The following SHROOM3 variants were observed in gnomAD, a reference collection of about 807,000 sequenced individuals.
SHROOM3 encodes protein Shroom3.
In SHROOM3, 47 loss-of-function variants were observed where a neutral mutation model predicts 138.6. The observed-to-expected ratio is 0.34, with a 90% CI of 0.27 to 0.43. The LOEUF (loss-of-function observed/expected upper bound fraction) is 0.43. Ranked by LOEUF, SHROOM3 falls within the 20% of genes least tolerant of loss-of-function variation. The pLI is 1.00. For missense variants in SHROOM3, 2,491 were observed against 2,596.5 expected (o/e 0.96, Z 0.88); for synonymous variants, 1,062 against 1,063.3 (o/e 1.00, Z 0.02).
intron 2 of SHROOM3, among the ~76,000 whole-genome samples, chr4:76,677,917 G>T (rs1038299997): frequency 5.3e-5 from 8 of 152,122 alleles, no homozygotes; most frequent in African/African-American, 1.9e-4. Flanking sequence ...TTCCTCTTGC[G>T]TGAATCTGCT....
At chr4:76,752,662 C>T (rs1009371242) in intron 6 of SHROOM3, among the ~76,000 whole-genome samples, 1 of 151,978 alleles carries the variant, frequency 6.6e-6, no homozygotes, top group Non-Finnish European at 1.5e-5. Flanking sequence ...AAAATAATCA[C>T]CACGGAGAAG....
chr4:76,778,670 G>C, intron 10 of SHROOM3, 139 bp from the exon 11 acceptor site: 1 of 1,121,508 alleles, frequency 8.9e-7, no homozygotes, highest in East Asian at 2.5e-5. Context: ...TTTTCAAAAA[G>C]TTAGCCTCCT....
At chr4:76,690,776 A>G (rs1480462043) in intron 2 of SHROOM3, among the ~76,000 whole-genome samples, 2 of 152,184 alleles carry the variant, frequency 1.3e-5, no homozygotes, top group Non-Finnish European at 2.9e-5. Flanking sequence ...CTCTTATAAC[A>G]ACATCTATGT....
intron 1 of SHROOM3, among the ~76,000 whole-genome samples, chr4:76,526,773 T>C (rs761219946): frequency 6.6e-6 from 1 of 152,068 alleles, no homozygotes; most frequent in Non-Finnish European, 1.5e-5. Flanking sequence ...CTAGGAGTGG[T>C]ATGCAAGAGA....
In SHROOM3 at chr4:76,739,321, C is replaced by A. The variant is rs745964950; in HGVS notation, c.1148C>A (p.Pro383His). ...AACCTTCCTCCTAAGGTGGGTGCAC[C>A]CCTGCCTCCAGCTCGGAGTGACAGT... ...TDNLPPKVGA[P>H]LPPARSDSYA... The change falls in exon 5 of 11, where the codon CCC becomes CAC. Residue 383 changes from proline (P) to histidine (H), a missense_variant. By Grantham distance (77) the Pro-to-His change is moderately conservative. Coordinates refer to ENST00000296043, the MANE Select transcript of SHROOM3 (RefSeq NM_020859.4). 3 of 1,613,900 alleles carry A rather than the reference C, an allele frequency of 1.9e-6. No individual in the cohort carries two copies. The South Asian group carries it at 3.3e-5, about 18-fold the overall frequency.
chr4:76,466,315 A>C (rs190109385), intron 1 of SHROOM3, among the ~76,000 whole-genome samples: 5 of 152,336 alleles, frequency 3.3e-5, no homozygotes, highest in Admixed American at 2.0e-4. Context: ...AGATAAACTG[A>C]AAGCAAAATT....
chr4:76,625,624 A>G (rs1277651494), intron 2 of SHROOM3, among the ~76,000 whole-genome samples: 1 of 152,148 alleles, frequency 6.6e-6, no homozygotes, highest in Non-Finnish European at 1.5e-5. Context: ...ACCTGACCAC[A>G]GCATCCTTCC....
intron 1 of SHROOM3, among the ~76,000 whole-genome samples, chr4:76,536,124 C>T (rs1732949351): frequency 6.6e-6 from 1 of 152,202 alleles, no homozygotes; most frequent in Non-Finnish European, 1.5e-5. Flanking sequence ...GCAAATGGCA[C>T]TATTGAATAA....
chr4:76,615,405 G>A (rs1365862008), intron 2 of SHROOM3, among the ~76,000 whole-genome samples: 2 of 152,198 alleles, frequency 1.3e-5, no homozygotes, highest in Non-Finnish European at 2.9e-5. Flanking sequence ...TGAAATGAAT[G>A]ATTTAAGCCA....
chr4:76,654,379 G>A (rs952911263), intron 2 of SHROOM3, among the ~76,000 whole-genome samples: 8 of 152,108 alleles, frequency 5.3e-5, no homozygotes, highest in African/African-American at 1.7e-4. Context: ...GAAGTGACAT[G>A]TTTTTGTTTA....
intron 2 of SHROOM3, among the ~76,000 whole-genome samples, chr4:76,615,071 G>A (rs1043752200): frequency 1.3e-5 from 2 of 152,236 alleles, no homozygotes; most frequent in African/African-American, 4.8e-5. Flanking sequence ...AGCTAGCTGA[G>A]AATGGGAGTG....
At chr4:76,535,680 C>T (rs1324859882) in intron 1 of SHROOM3, among the ~76,000 whole-genome samples, 2 of 152,114 alleles carry the variant, frequency 1.3e-5, no homozygotes, top group Non-Finnish European at 2.9e-5. Context: ...AGAAATCAGC[C>T]CCTCACTTAT....
chr4:76,724,518 T>C (rs1434262227), intron 3 of SHROOM3, among the ~76,000 whole-genome samples: 1 of 152,160 alleles, frequency 6.6e-6, no homozygotes, highest in East Asian at 1.9e-4. Context: ...TGCTTTTCAA[T>C]AGGTAATACA....
intron 2 of SHROOM3, among the ~76,000 whole-genome samples, chr4:76,681,221 A>G (rs1485307052): frequency 6.6e-6 from 1 of 152,154 alleles, no homozygotes; most frequent in Non-Finnish European, 1.5e-5. Context: ...CCTCTTAGTT[A>G]GCAAGTTCAT....
At chr4:76,704,350 A>G (rs1416827555) in intron 2 of SHROOM3, among the ~76,000 whole-genome samples, 4 of 152,252 alleles carry the variant, frequency 2.6e-5, no homozygotes, top group Non-Finnish European at 5.9e-5. Context: ...ATGTCTTAAC[A>G]ACGAAGCAGA....
chr4:76,622,822 A>G (rs988559009), intron 2 of SHROOM3, among the ~76,000 whole-genome samples: 7 of 152,030 alleles, frequency 4.6e-5, no homozygotes, highest in Non-Finnish European at 8.8e-5. Context: ...TTTTCTTCTC[A>G]GGTTTATAGC....
chr4:76,536,351 G>A (rs1732953315), intron 1 of SHROOM3, among the ~76,000 whole-genome samples: 1 of 152,114 alleles, frequency 6.6e-6, no homozygotes, highest in Non-Finnish European at 1.5e-5. Flanking sequence ...GCATATAGAG[G>A]TTTCATTTTA....
At chr4:76,660,096 C>T (rs980057775) in intron 2 of SHROOM3, among the ~76,000 whole-genome samples, 3 of 152,132 alleles carry the variant, frequency 2.0e-5, no homozygotes, top group South Asian at 2.1e-4. Context: ...CTCTCACCCA[C>T]GTCAGGGCAC....
chr4:76,782,273 T>A lies in SHROOM3; in HGVS notation c.*3096T>A, dbSNP rs1395677343. On this transcript the variant is annotated 3_prime_UTR_variant, in exon 11 of 11. Coordinates refer to ENST00000296043, the MANE Select transcript of SHROOM3 (RefSeq NM_020859.4). ...TTTGCTCTATGGGAACATTTTAGGGTTTGTTTTGCACAGCTGGTTTCCAGA... is the reference window on the plus strand; with the variant it reads ...TTTGCTCTATGGGAACATTTTAGGGATTGTTTTGCACAGCTGGTTTCCAGA... 1 of 151,902 alleles carries A rather than the reference T, an allele frequency of 6.6e-6. No homozygotes were observed. The highest frequency in any genetic ancestry group is 1.5e-5 in the Non-Finnish European group (1 of 67,828). The allele number at this position is 151,902 out of a possible 1,614,324, so 9.4% of individuals were successfully genotyped here. A position where few individuals can be genotyped will look rare whatever the true frequency, so the allele number is the denominator to read the frequency against.
Sources: gnomAD v4.1 joint callset for allele counts (sites outside exome capture counted in the v4.1 genomes callset) on GRCh38, gnomAD v4.1.1 for gene constraint, MANE v1.5 for transcripts, NCBI Gene and HGNC (gene_info 2026-07-23, HGNC 2026-07-21) for gene names.